The following NPAS3 variants were observed in gnomAD, a reference collection of about 807,000 sequenced individuals.
NPAS3 encodes neuronal PAS domain protein 3, also known as neuronal PAS domain-containing protein 3.
Under a neutral mutation model 73.1 loss-of-function variants are expected in NPAS3, and 14 were observed. The ratio of observed to expected loss-of-function variants is 0.19; its 90% CI spans 0.13 to 0.30. NPAS3 has a LOEUF of 0.30. Ranked by LOEUF, NPAS3 falls within the 10% of genes least tolerant of loss-of-function variation. NPAS3 has a pLI of 1.00. For missense variants in NPAS3, 1,096 were observed against 1,250.0 expected, an observed-to-expected ratio of 0.88 and a Z score of 1.86; for synonymous variants, 620 against 541.5, an observed-to-expected ratio of 1.14 and a Z score of -2.01.
chr14:33,709,291 T>C (rs1353841690), intron 6 of NPAS3, among the ~76,000 whole-genome samples: 1 of 152,232 alleles, frequency 6.6e-6, no homozygotes, highest in Non-Finnish European at 1.5e-5. Flanking sequence ...GTTAATCAGC[T>C]TCTTATAAAT....
intron 8 of NPAS3, 87 bp from the exon 9 acceptor site, chr14:33,778,379 G>A (rs779839830): frequency 9.7e-6 from 9 of 927,932 alleles, no homozygotes; most frequent in African/African-American, 6.5e-5. Context: ...ATAATGAAAT[G>A]TGTCAGTAGA....
chr14:33,471,768 C>A (rs182005788), intron 4 of NPAS3, among the ~76,000 whole-genome samples: 1 of 152,182 alleles, frequency 6.6e-6, no homozygotes, highest in Admixed American at 6.5e-5. Flanking sequence ...CCCCAACCCC[C>A]GGTACTGGTC....
intron 5 of NPAS3, among the ~76,000 whole-genome samples, chr14:33,673,360 G>A (rs928937467): frequency 1.3e-5 from 2 of 152,114 alleles, no homozygotes; most frequent in African/African-American, 2.4e-5. Context: ...AGATTGTTAT[G>A]AGGATTAATC....
intron 5 of NPAS3, among the ~76,000 whole-genome samples, chr14:33,646,884 C>G (rs1006156662): frequency 1.3e-5 from 2 of 152,146 alleles, no homozygotes; most frequent in Admixed American, 1.3e-4. Context: ...AGAAACTCCC[C>G]CAGAGGTATA....
At chr14:33,792,599 A>C (rs1349135261) in intron 9 of NPAS3, among the ~76,000 whole-genome samples, 1 of 141,748 alleles carries the variant, frequency 7.1e-6, no homozygotes, top group Non-Finnish European at 1.5e-5. Context: ...AAAAAAAAAA[A>C]AATCTAAATG....
intron 2 of NPAS3, among the ~76,000 whole-genome samples, chr14:33,203,525 A>T (rs1203049329): frequency 1.3e-4 from 19 of 151,942 alleles, no homozygotes; most frequent in Admixed American, 1.2e-3. Flanking sequence ...CCTGTGTCCA[A>T]GTGTTCTCAT....
intron 5 of NPAS3, among the ~76,000 whole-genome samples, chr14:33,647,190 A>C (rs1011875662): frequency 6.6e-6 from 1 of 152,166 alleles, no homozygotes; most frequent in Non-Finnish European, 1.5e-5. Context: ...TCCTCAGAGC[A>C]TAAATCCTTC....
chr14:33,784,868 A>G (rs978219078), intron 9 of NPAS3, among the ~76,000 whole-genome samples: 6 of 147,314 alleles, frequency 4.1e-5, no homozygotes, highest in African/African-American at 1.3e-4. Flanking sequence ...CTCCTGCCTC[A>G]GCCTCCCGAG....
intron 2 of NPAS3, among the ~76,000 whole-genome samples, chr14:33,190,067 T>C (rs2046114425): frequency 6.6e-6 from 1 of 152,214 alleles, no homozygotes; most frequent in African/African-American, 2.4e-5. Flanking sequence ...GACACACTCC[T>C]ATAATACATC....
chr14:33,354,382 T>C (rs563096836), intron 3 of NPAS3, among the ~76,000 whole-genome samples: 11 of 152,284 alleles, frequency 7.2e-5, no homozygotes, highest in African/African-American at 2.6e-4. Context: ...TGTCCTCTCT[T>C]CTTTCTAGGA....
At chr14:33,116,868 C>A (rs937030233) in intron 2 of NPAS3, among the ~76,000 whole-genome samples, 2 of 152,090 alleles carry the variant, frequency 1.3e-5, no homozygotes, top group African/African-American at 4.8e-5. Flanking sequence ...AGGCAAGCTG[C>A]AACATGTAGT....
chr14:33,386,070 ATT>A (rs5807722), intron 4 of NPAS3, among the ~76,000 whole-genome samples: 3,284 of 148,294 alleles, frequency 0.022, 116 homozygotes, highest in African/African-American at 0.073. Context: ...GTAATTGAGA[ATT>A]TTTTTTTTTT....
At chr14:33,701,932 A>C (rs917487778) in intron 6 of NPAS3, among the ~76,000 whole-genome samples, 4 of 152,232 alleles carry the variant, frequency 2.6e-5, no homozygotes, top group Non-Finnish European at 5.9e-5. Flanking sequence ...GGGATCTTAC[A>C]ATCTAGCAAG....
intron 1 of NPAS3, among the ~76,000 whole-genome samples, chr14:33,035,964 A>G (rs1318618374): frequency 6.6e-6 from 1 of 152,204 alleles, no homozygotes; most frequent in Non-Finnish European, 1.5e-5. Flanking sequence ...AAACAAAAGC[A>G]TCTTGTGCTT....
At chr14:33,059,623 A>G (rs1231125742) in intron 2 of NPAS3, among the ~76,000 whole-genome samples, 1 of 152,222 alleles carries the variant, frequency 6.6e-6, no homozygotes, top group Non-Finnish European at 1.5e-5. Flanking sequence ...TACAGTTTAC[A>G]ATAATGTCTG....
chr14:33,494,930 G>A (rs1007129289), intron 4 of NPAS3, among the ~76,000 whole-genome samples: 3 of 152,132 alleles, frequency 2.0e-5, no homozygotes, highest in Non-Finnish European at 4.4e-5. Flanking sequence ...TGCACAACCC[G>A]CAGAGTCTCA....
intron 4 of NPAS3, among the ~76,000 whole-genome samples, chr14:33,407,664 C>T (rs1051960992): frequency 5.3e-5 from 8 of 152,038 alleles, no homozygotes; most frequent in South Asian, 2.1e-4. Flanking sequence ...TTAGAAATTT[C>T]GGTGCCTTTA....
chr14:33,469,143 A>T (rs2050665781), intron 4 of NPAS3, among the ~76,000 whole-genome samples: 1 of 152,170 alleles, frequency 6.6e-6, no homozygotes, highest in South Asian at 2.1e-4. Context: ...TCCCTTTCAA[A>T]CTTTGCCCTT....
chr14:33,168,529 G>A (rs749928638), intron 2 of NPAS3, among the ~76,000 whole-genome samples: 5 of 152,120 alleles, frequency 3.3e-5, no homozygotes, highest in Non-Finnish European at 7.4e-5. Flanking sequence ...AGACATTTCC[G>A]AGTTGGAGCC....
Sources: gnomAD v4.1 joint callset for allele counts (sites outside exome capture counted in the v4.1 genomes callset) on GRCh38, gnomAD v4.1.1 for gene constraint, MANE v1.5 for transcripts, NCBI Gene and HGNC (gene_info 2026-07-23, HGNC 2026-07-21) for gene names.